Variants in CNTN6 observed in about 807,000 individuals in gnomAD.
CNTN6 encodes the protein contactin 6.
In CNTN6, 137 loss-of-function variants were observed where a neutral mutation model predicts 122.8. The observed-to-expected ratio is 1.12, with a 90% confidence interval of 0.97 to 1.29. CNTN6 has a LOEUF of 1.29. Among genes scored for constraint, CNTN6 ranks in the 50% most tolerant of loss-of-function variants. The pLI is 0.00. For missense variants in CNTN6, 1,634 were observed against 1,223.4 expected (o/e 1.34, Z -5.01); for synonymous variants, 570 against 426.0 (o/e 1.34, Z -4.16).
intron 12 of CNTN6, among the ~76,000 whole-genome samples, chr3:1,357,392 T>C (rs1338373011): frequency 1.3e-5 from 2 of 151,890 alleles, no homozygotes; most frequent in African/African-American, 2.4e-5. Flanking sequence ...CATCTTGTTT[T>C]CTTTATTATT....
chr3:1,291,875 C>A (rs187586492), intron 5 of CNTN6, among the ~76,000 whole-genome samples: 1 of 152,068 alleles, frequency 6.6e-6, no homozygotes, highest in South Asian at 2.1e-4. Context: ...GAGAACAGCA[C>A]GAGCATCTCA....
At chr3:1,314,835 AG>A (rs1699867072) in intron 7 of CNTN6, among the ~76,000 whole-genome samples, 1 of 152,076 alleles carries the variant, frequency 6.6e-6, no homozygotes, top group South Asian at 2.1e-4. Flanking sequence ...ATCACATTTC[AG>A]GCAACCTTCA....
chr3:1,364,513 A>T (rs986443305), intron 12 of CNTN6, among the ~76,000 whole-genome samples: 2 of 141,444 alleles, frequency 1.4e-5, no homozygotes, highest in African/African-American at 2.5e-5. Context: ...AAGGAAAAAA[A>T]AAACAAAACA....
intron 7 of CNTN6, among the ~76,000 whole-genome samples, chr3:1,312,676 A>C (rs987208587): frequency 1.3e-5 from 2 of 151,598 alleles, no homozygotes; most frequent in African/African-American, 4.8e-5. Context: ...TTAGGTGAAG[A>C]ATGTATTGCT....
At chr3:1,283,173 T>C (rs1693764270) in intron 5 of CNTN6, among the ~76,000 whole-genome samples, 1 of 152,022 alleles carries the variant, frequency 6.6e-6, no homozygotes, top group Admixed American at 6.6e-5. Context: ...AGGGTGGGTC[T>C]CCAACTCCTG....
At chr3:1,198,810 A>T (rs1445478029) in intron 2 of CNTN6, among the ~76,000 whole-genome samples, 1 of 152,134 alleles carries the variant, frequency 6.6e-6, no homozygotes, top group Admixed American at 6.6e-5. Context: ...ATCCGCACCC[A>T]CTCAGAAACT....
intron 2 of CNTN6, among the ~76,000 whole-genome samples, chr3:1,151,542 C>A (rs1323763874): frequency 1.3e-5 from 2 of 152,182 alleles, no homozygotes; most frequent in East Asian, 1.9e-4. Context: ...CCCTAATACA[C>A]AGATTCTAAA....
chr3:1,199,684 A>G (rs1460401635), intron 2 of CNTN6, among the ~76,000 whole-genome samples: 1 of 152,214 alleles, frequency 6.6e-6, no homozygotes, highest in Admixed American at 6.5e-5. Context: ...GAATTGGAAC[A>G]CAGACGGGAG....
At chr3:1,377,403 A>G (rs1473582886) in intron 17 of CNTN6, among the ~76,000 whole-genome samples, 1 of 152,142 alleles carries the variant, frequency 6.6e-6, no homozygotes, top group Non-Finnish European at 1.5e-5. Flanking sequence ...TGTATTGTGA[A>G]TAAGTTGAGC....
chr3:1,260,028 T>G (rs2094819300), intron 4 of CNTN6, among the ~76,000 whole-genome samples: 1 of 152,142 alleles, frequency 6.6e-6, no homozygotes, highest in Non-Finnish European at 1.5e-5. Flanking sequence ...AAGGGTCATG[T>G]AGGCCATGCC....
intron 4 of CNTN6, among the ~76,000 whole-genome samples, chr3:1,256,239 C>T (rs3864026): frequency 3.9e-5 from 6 of 151,912 alleles, no homozygotes; most frequent in African/African-American, 1.4e-4. Context: ...TTATAATTTT[C>T]TAAGTTATGA....
chr3:1,278,123 G>T (rs1692747862), intron 4 of CNTN6, among the ~76,000 whole-genome samples: 1 of 152,144 alleles, frequency 6.6e-6, no homozygotes, highest in Non-Finnish European at 1.5e-5. Context: ...GTAAATATGT[G>T]TTGGGCTTCA....
At chr3:1,172,634 G>C (rs201014226) in intron 2 of CNTN6, among the ~76,000 whole-genome samples, 62,225 of 150,998 alleles carry the variant, frequency 0.41, 13,715 homozygotes, top group East Asian at 0.77. Flanking sequence ...GTGTGTGTGT[G>C]TGTGTGTGTG....
chr3:1,302,237 G>A (rs1233972029), intron 7 of CNTN6, among the ~76,000 whole-genome samples: 1 of 150,558 alleles, frequency 6.6e-6, no homozygotes, highest in Non-Finnish European at 1.5e-5. Flanking sequence ...GCAGCATTTG[G>A]TTTTAGTCAT....
rs889667112 is a variant in CNTN6 at position 1,148,019 on chromosome 3, T to C, written c.11T>C (p.Leu4Pro). The C allele has an allele frequency of 2.5e-6, 4 of 1,607,436 alleles. No individual in the cohort carries two copies. The highest frequency in any genetic ancestry group is 3.4e-6 in the Non-Finnish European group (4 of 1,175,052). ...CCTTAGAAAGTGGAAATGAGGTTGC[T>C]ATGGAAACTGGTAATTCTGCTGCCA... MRL[L>P]WKLVILLPLI... Residue 4 changes from leucine (L) to proline (P), a missense_variant, in exon 2 of 23, where the codon CTA becomes CCA. By Grantham distance (98) the Leu-to-Pro change is moderately conservative. Coordinates refer to ENST00000446702, the MANE Select transcript of CNTN6 (RefSeq NM_001289080.2).
chr3:1,126,898 G>T (rs1011662040), intron 1 of CNTN6, among the ~76,000 whole-genome samples: 1 of 151,684 alleles, frequency 6.6e-6, no homozygotes, highest in Non-Finnish European at 1.5e-5. Context: ...TTTCCCATTG[G>T]TGCTGAATAT....
At chr3:1,276,736 T>C (rs1692440872) in intron 4 of CNTN6, among the ~76,000 whole-genome samples, 1 of 152,196 alleles carries the variant, frequency 6.6e-6, no homozygotes, top group African/African-American at 2.4e-5. Context: ...ACAGGGTATC[T>C]TAGGGTAAAA....
intron 4 of CNTN6, among the ~76,000 whole-genome samples, chr3:1,243,860 G>C (rs755145976): frequency 5.9e-5 from 9 of 152,026 alleles, no homozygotes; most frequent in South Asian, 4.2e-4. Context: ...GGTCAGATGG[G>C]TCTGTAGAAA....
chr3:1,111,836 T>C (rs2091494315), intron 1 of CNTN6, among the ~76,000 whole-genome samples: 1 of 152,300 alleles, frequency 6.6e-6, no homozygotes, highest in East Asian at 1.9e-4. Context: ...TGAAAAGTTG[T>C]GCCGTGCCCA....
Sources: gnomAD v4.1 joint callset for allele counts (sites outside exome capture counted in the v4.1 genomes callset) on GRCh38, gnomAD v4.1.1 for gene constraint, MANE v1.5 for transcripts, NCBI Gene and HGNC (gene_info 2026-07-23, HGNC 2026-07-21) for gene names.